The following SLC39A11 variants were observed in gnomAD, a reference collection of about 807,000 sequenced individuals.
The protein encoded by SLC39A11 is zinc transporter ZIP11.
SLC39A11 carries 33 observed loss-of-function variants against 36.1 expected under a neutral mutation model. The observed-to-expected ratio is 0.91, with a 90% CI of 0.69 to 1.22. SLC39A11 has a LOEUF of 1.22. Among genes scored for constraint, SLC39A11 ranks in the 50% most tolerant of loss-of-function variants. The probability of loss-of-function intolerance (pLI) is 0.00; values close to 1 mark genes in which losing one functional copy is unlikely to be tolerated. For missense variants in SLC39A11, 432 were observed against 430.3 expected (o/e 1.00, Z -0.03); for synonymous variants, 166 against 170.3 (o/e 0.97, Z 0.20).
chr17:72,800,262 A>G (rs1402805844), intron 6 of SLC39A11, among the ~76,000 whole-genome samples: 1 of 151,730 alleles, frequency 6.6e-6, no homozygotes, highest in African/African-American at 2.4e-5. Context: ...GAAGGTCCAA[A>G]CTACATAAAA....
chr17:72,900,973 C>CAACAAA (rs1567914892), intron 5 of SLC39A11, among the ~76,000 whole-genome samples: 3 of 149,902 alleles, frequency 2.0e-5, no homozygotes, highest in Non-Finnish European at 4.4e-5. Context: ...AACAAACAAA[C>CAACAAA]AAACAACAAA....
chr17:72,880,072 C>A (rs76259700), intron 5 of SLC39A11, among the ~76,000 whole-genome samples: 6,515 of 152,302 alleles, frequency 0.043, 468 homozygotes, highest in African/African-American at 0.14. Flanking sequence ...TAAACTCTTT[C>A]TCTGCTGCAA....
chr17:72,982,761 AATC>A (rs2088424750), intron 4 of SLC39A11, among the ~76,000 whole-genome samples: 1 of 151,964 alleles, frequency 6.6e-6, no homozygotes, highest in South Asian at 2.1e-4. Flanking sequence ...AATGTTAGCA[AATC>A]TCTTCAAATC....
chr17:73,011,678 T>TTC (rs1555677889), intron 4 of SLC39A11, among the ~76,000 whole-genome samples: 11 of 151,102 alleles, frequency 7.3e-5, no homozygotes, highest in Non-Finnish European at 1.3e-4. Context: ...TTTTTTTTTT[T>TTC]TGGATGGAGT....
intron 7 of SLC39A11, among the ~76,000 whole-genome samples, chr17:72,717,142 G>A (rs892607391): frequency 6.8e-6 from 1 of 146,004 alleles, no homozygotes; most frequent in African/African-American, 2.5e-5. Flanking sequence ...ACTTATATGT[G>A]TATATATATG....
chr17:73,074,042 A>G (rs2060242898), intron 3 of SLC39A11, among the ~76,000 whole-genome samples: 1 of 151,430 alleles, frequency 6.6e-6, no homozygotes, highest in South Asian at 2.1e-4. Flanking sequence ...TCAGGCAGTA[A>G]GATGGAAAAA....
intron 7 of SLC39A11, among the ~76,000 whole-genome samples, chr17:72,693,590 C>T (rs995141431): frequency 6.6e-5 from 10 of 152,194 alleles, no homozygotes; most frequent in Non-Finnish European, 1.2e-4. Context: ...TCACGAAAGC[C>T]GCTGCACGCT....
chr17:72,795,960 GAAT>G (rs1479381545), intron 6 of SLC39A11, among the ~76,000 whole-genome samples: 1 of 152,136 alleles, frequency 6.6e-6, no homozygotes, highest in Non-Finnish European at 1.5e-5. Context: ...AAAGAGGGAA[GAAT>G]ACTGGGGGGA....
chr17:72,961,434 C>T (rs2086599978), intron 4 of SLC39A11, among the ~76,000 whole-genome samples: 1 of 137,788 alleles, frequency 7.3e-6, no homozygotes, highest in Non-Finnish European at 1.7e-5. Flanking sequence ...AAGACACATG[C>T]ACACGTATGT....
intron 3 of SLC39A11, among the ~76,000 whole-genome samples, chr17:73,045,457 T>C (rs944587527): frequency 2.7e-5 from 4 of 150,244 alleles, no homozygotes; most frequent in Admixed American, 6.6e-5. Context: ...CCTATATTTC[T>C]TTTTTTTCCA....
intron 6 of SLC39A11, among the ~76,000 whole-genome samples, chr17:72,817,367 AG>A (rs2077617868): frequency 6.6e-6 from 1 of 151,392 alleles, no homozygotes; most frequent in Non-Finnish European, 1.5e-5. Context: ...GAGGAGGAGG[AG>A]GAGGTGGTGG....
chr17:72,708,878 A>T (rs1224349132), intron 7 of SLC39A11, among the ~76,000 whole-genome samples: 2 of 151,774 alleles, frequency 1.3e-5, no homozygotes, highest in African/African-American at 4.8e-5. Flanking sequence ...ACAACTCATA[A>T]CGCATGAACT....
rs66783318 is a variant in SLC39A11, at chr17:72,976,784, AGGTTG to A, written c.307-28914_307-28910del. On this transcript the variant is annotated intron_variant, in intron 4 of 9. Transcript: ENST00000255559. ...AGAATCACTTGAACCCGGGAGGCAG[AGGTTG>A]GAGTGAGCTGAGATCGTGCCATTGC... Among the ~76,000 whole-genome samples, 1,152 of 152,104 alleles carry A rather than the reference AGGTTG, an allele frequency of 7.6e-3. 9 individuals carry two copies. Among genetic ancestry groups the A allele is most frequent in the Non-Finnish European group, 0.012 (830 of 67,984 alleles).
At chr17:72,991,109 A>ATTT (rs1412707814) in intron 4 of SLC39A11, among the ~76,000 whole-genome samples, 1 of 152,186 alleles carries the variant, frequency 6.6e-6, no homozygotes, top group Admixed American at 6.6e-5. Context: ...TTTGATTCAG[A>ATTT]TTTTTTAAGT....
At chr17:72,729,442 TATA>T (rs2074108791) in intron 7 of SLC39A11, among the ~76,000 whole-genome samples, 7 of 5,740 alleles carry the variant, frequency 1.2e-3, no homozygotes, top group Non-Finnish European at 1.9e-3. Flanking sequence ...TATATATATA[TATA>T]TATATATATA....
At chr17:72,729,447 ATATATATATATTTTTTTTT>A (rs1567995207) in intron 7 of SLC39A11, among the ~76,000 whole-genome samples, 5 of 4,000 alleles carry the variant, frequency 1.3e-3, no homozygotes, top group African/African-American at 4.7e-3. Flanking sequence ...ATATATATAT[ATATATATATATTTTTTTTT>A]TTTTTTTTTT....
intron 6 of SLC39A11, among the ~76,000 whole-genome samples, chr17:72,810,539 A>C (rs1332557362): frequency 6.6e-6 from 1 of 152,232 alleles, no homozygotes; most frequent in African/African-American, 2.4e-5. Context: ...GAGCAGGTGG[A>C]ACCTATCTAT....
intron 5 of SLC39A11, among the ~76,000 whole-genome samples, chr17:72,876,360 T>C (rs2080896596): frequency 6.6e-6 from 1 of 152,210 alleles, no homozygotes; most frequent in South Asian, 2.1e-4. Context: ...CAAGGAAGCA[T>C]GTTGTTAAGT....
At chr17:72,906,010 C>T (rs1399159056) in intron 5 of SLC39A11, among the ~76,000 whole-genome samples, 1 of 152,180 alleles carries the variant, frequency 6.6e-6, no homozygotes, top group Non-Finnish European at 1.5e-5. Context: ...GCCTTGGCCT[C>T]CCAAAGTGCT....
Sources: allele counts gnomAD v4.1 joint callset (sites outside exome capture counted in the v4.1 genomes callset), GRCh38; gene constraint gnomAD v4.1.1; transcripts MANE v1.5; gene names NCBI Gene and HGNC (gene_info 2026-07-23, HGNC 2026-07-21).